Variants in PDE12 observed in about 807,000 individuals in gnomAD.
PDE12 encodes phosphodiesterase 12.
Under a neutral mutation model 45.4 loss-of-function variants are expected in PDE12, and 26 were observed. The observed-to-expected ratio is 0.57, with a 90% CI of 0.42 to 0.79. The LOEUF (loss-of-function observed/expected upper bound fraction) is 0.79, where lower values mean the gene tolerates loss of function less well. Ranked by LOEUF, PDE12 falls within the 30% of genes least tolerant of loss-of-function variation. The pLI is 0.00. For missense variants in PDE12, 668 were observed against 790.0 expected, an observed-to-expected ratio of 0.85 and a Z score of 1.85; for synonymous variants, 283 against 323.9, an observed-to-expected ratio of 0.87 and a Z score of 1.36.
At chr3:57,559,179 C>T (rs2069699075) in intron 1 of PDE12, 131 bp from the exon 2 acceptor site, 1 of 684,778 alleles carries the variant, frequency 1.5e-6, no homozygotes, top group South Asian at 1.8e-5. Context: ...CGAGATCGCG[C>T]TACTGCACTC....
At chr3:57,637,950 A>G in the PDE12 span, among the ~76,000 whole-genome samples, 1 of 152,082 alleles carries the variant, frequency 6.6e-6, no homozygotes, top group Non-Finnish European at 1.5e-5. Context: ...CCTGGCCAAC[A>G]TGGTGAAACC....
chr3:57,556,535 A>T lies in PDE12; in HGVS notation c.156A>T (p.Ser52=), dbSNP rs1326517742. 1 of 1,613,552 alleles carries T rather than the reference A, an allele frequency of 6.2e-7. No homozygotes were observed. Among genetic ancestry groups the T allele is most frequent in the Admixed American group, 1.7e-5 (1 of 60,036 alleles). ...CVPSEPKLSL[S]FALADGSHKN... ...CTTCGGAACCCAAGCTGAGCCTGTCATTCGCTTTGGCTGATGGTAGCCACA... is the reference window on the plus strand; with the variant it reads ...CTTCGGAACCCAAGCTGAGCCTGTCTTTCGCTTTGGCTGATGGTAGCCACA... Residue 52 remains serine, a synonymous_variant, in exon 1 of 3, where the codon TCA becomes TCT. Coordinates refer to ENST00000311180, the MANE Select transcript of PDE12 (RefSeq NM_177966.7). This position sits in a 1 kb window ranked among gnomAD's most constrained non-coding sequence, Gnocchi z 5.0.
At chr3:57,645,970 G>A in the PDE12 span, among the ~76,000 whole-genome samples, 1 of 152,230 alleles carries the variant, frequency 6.6e-6, no homozygotes, top group Admixed American at 6.5e-5. Flanking sequence ...CAGAAGATGC[G>A]GTGAAATTCT....
the PDE12 span, among the ~76,000 whole-genome samples, chr3:57,640,135 G>T: frequency 6.6e-6 from 1 of 151,690 alleles, no homozygotes; most frequent in East Asian, 1.9e-4. Flanking sequence ...CAGGCGTGGT[G>T]GTGGGCGCCT....
At chr3:57,597,023 T>C in the PDE12 span, 1 of 1,591,486 alleles carries the variant, frequency 6.3e-7, no homozygotes, top group South Asian at 1.1e-5. Flanking sequence ...ACCCCAATTG[T>C]GGAGACCCTG....
chr3:57,608,260 G>T, the PDE12 span, among the ~76,000 whole-genome samples: 27 of 152,198 alleles, frequency 1.8e-4, no homozygotes, highest in East Asian at 5.0e-3. Flanking sequence ...AAAGGAACAA[G>T]CAGTACCAGC....
the PDE12 span, among the ~76,000 whole-genome samples, chr3:57,613,394 G>C: frequency 1.3e-5 from 2 of 148,156 alleles, no homozygotes. Context: ...CCCGGGTTCA[G>C]GTGATTCTCC....
At chr3:57,629,646 G>T in the PDE12 span, among the ~76,000 whole-genome samples, 5 of 151,048 alleles carry the variant, frequency 3.3e-5, no homozygotes, top group African/African-American at 4.9e-5. Context: ...CGAGTAGCTG[G>T]GACTACAGGC....
chr3:57,634,864 A>G, the PDE12 span: 1 of 1,010,848 alleles, frequency 9.9e-7, no homozygotes, highest in Non-Finnish European at 1.4e-6. Context: ...TTATTACTTA[A>G]GTATGTTATA....
chr3:57,644,949 A>G, the PDE12 span, among the ~76,000 whole-genome samples: 2 of 151,944 alleles, frequency 1.3e-5, no homozygotes, highest in Non-Finnish European at 2.9e-5. Flanking sequence ...AGTTGACTAG[A>G]AGCAACCAGA....
In PDE12 at chr3:57,561,472, A is replaced by T. The variant is rs2069727426; in HGVS notation, c.*1468A>T. On this transcript the variant is annotated 3_prime_UTR_variant, in exon 3 of 3. Coordinates refer to ENST00000311180, the MANE Select transcript of PDE12 (RefSeq NM_177966.7). ...ATTTAAATATGAAGCCAAACTTTTTAAAATTAGAAACTACAAATGGTTATA... is the reference window on the plus strand; with the variant it reads ...ATTTAAATATGAAGCCAAACTTTTTTAAATTAGAAACTACAAATGGTTATA... 1 of 983,754 alleles carries T rather than the reference A, an allele frequency of 1.0e-6. No homozygotes were observed. The highest frequency in any genetic ancestry group is 1.7e-5 in the African/African-American group (1 of 57,186). 60.9% of individuals were successfully genotyped at this position (983,754 alleles called of 1,614,324 possible).
At chr3:57,591,790 A>G in the PDE12 span, among the ~76,000 whole-genome samples, 22 of 152,302 alleles carry the variant, frequency 1.4e-4, 1 homozygote, top group Admixed American at 6.5e-4. Flanking sequence ...TGACAACATC[A>G]TGCCAAGTGA....
the PDE12 span, among the ~76,000 whole-genome samples, chr3:57,590,190 G>A: frequency 6.6e-6 from 1 of 150,648 alleles, no homozygotes; most frequent in African/African-American, 2.4e-5. Flanking sequence ...ATCATAATTA[G>A]TGATGAAAAA....
the PDE12 span, chr3:57,584,478 T>G: frequency 2.5e-6 from 4 of 1,602,318 alleles, no homozygotes; most frequent in Non-Finnish European, 2.6e-6. Flanking sequence ...GAAGAAGACA[T>G]TATAGATTTA....
chr3:57,626,988 A>AAT, the PDE12 span: 1 of 152,186 alleles, frequency 6.6e-6, no homozygotes, highest in Non-Finnish European at 1.5e-5. Flanking sequence ...TCATCACTCA[A>AAT]ATAAGTATCA....
Position 57,561,937 on chromosome 3 carries a change from T to G in PDE12, c.*1933T>G. On this transcript the variant is annotated 3_prime_UTR_variant, in exon 3 of 3. Transcript: ENST00000311180. ...GATCTTGTTTAGAAAAAACTATAAA[T>G]AAAAAATTGATGCTACCAAATTGTG... 1.0e-6 allele frequency: 1 copy of G among 984,756 alleles called. No homozygotes were observed. Among genetic ancestry groups the G allele is most frequent in the Non-Finnish European group, 1.2e-6 (1 of 829,308 alleles). The allele number at this position is 984,756 out of a possible 1,614,324, so 61.0% of individuals were successfully genotyped here.
the PDE12 span, among the ~76,000 whole-genome samples, chr3:57,638,693 A>G: frequency 6.6e-6 from 1 of 152,076 alleles, no homozygotes; most frequent in African/African-American, 2.4e-5. Flanking sequence ...AAATAAATAA[A>G]ATGGCCAATA....
At chr3:57,586,503 C>CT in the PDE12 span, among the ~76,000 whole-genome samples, 13 of 152,284 alleles carry the variant, frequency 8.5e-5, no homozygotes, top group Non-Finnish European at 1.6e-4. Context: ...CCAAGAATAA[C>CT]TTTAAGTTCT....
the PDE12 span, among the ~76,000 whole-genome samples, chr3:57,582,344 G>A: frequency 4.3e-4 from 66 of 151,758 alleles, no homozygotes; most frequent in Non-Finnish European, 6.8e-4. Flanking sequence ...CCGGGTTCAA[G>A]TGATTCTCCT....
Sources: allele counts gnomAD v4.1 joint callset (sites outside exome capture counted in the v4.1 genomes callset), GRCh38; gene constraint gnomAD v4.1.1; non-coding constraint Gnocchi (gnomAD v3.1); transcripts MANE v1.5; gene names NCBI Gene and HGNC (gene_info 2026-07-23, HGNC 2026-07-21).